VPS41: variants seen among roughly 807,000 people sequenced by gnomAD.
The protein encoded by VPS41 is VPS41 subunit of HOPS complex.
Under a neutral mutation model 130.9 loss-of-function variants are expected in VPS41, and 85 were observed. That is an observed-to-expected ratio of 0.65 (90% CI 0.55 to 0.78). VPS41 has a LOEUF of 0.78. VPS41 is among the 30% of genes least tolerant of loss of function. The pLI is 0.00. For missense variants in VPS41, 874 were observed against 1,018.7 expected (o/e 0.86, Z 1.93); for synonymous variants, 335 against 332.9 (o/e 1.01, Z -0.07).
At chr7:38,870,783 T>A in intron 2 of VPS41, among the ~76,000 whole-genome samples, 6 of 111,062 alleles carry the variant, frequency 5.4e-5, no homozygotes, top group African/African-American at 1.8e-4. Context: ...GACAGAAAGC[T>A]GATGAAAAGA....
At chr7:38,765,483 G>A (rs1057007481) in intron 16 of VPS41, 97 bp downstream of exon 16, 46 of 760,904 alleles carry the variant, frequency 6.0e-5, no homozygotes, top group African/African-American at 3.1e-4. Flanking sequence ...TAATAATCAC[G>A]TCCTAAAAAA....
At chr7:38,732,232 C>T (rs935169673) in intron 25 of VPS41, among the ~76,000 whole-genome samples, 6 of 152,222 alleles carry the variant, frequency 3.9e-5, no homozygotes, top group Non-Finnish European at 4.4e-5. Context: ...CAGTTTAGGG[C>T]TACTAAGGAA....
At chr7:38,879,099 C>T (rs1440615916) in intron 2 of VPS41, among the ~76,000 whole-genome samples, 1 of 152,152 alleles carries the variant, frequency 6.6e-6, no homozygotes, top group African/African-American at 2.4e-5. Context: ...GCCCTGAAGA[C>T]ATGCTAAAAA....
chr7:38,759,580 G>C (rs1326305447), intron 17 of VPS41, among the ~76,000 whole-genome samples: 1 of 152,140 alleles, frequency 6.6e-6, no homozygotes, highest in Non-Finnish European at 1.5e-5. Flanking sequence ...TCTCCATTTA[G>C]CATTCCTGGG....
At chr7:38,738,793 G>A (rs1485766445) in intron 25 of VPS41, among the ~76,000 whole-genome samples, 1 of 152,180 alleles carries the variant, frequency 6.6e-6, no homozygotes, top group Non-Finnish European at 1.5e-5. Flanking sequence ...AATTTGTGCA[G>A]TGATTACACT....
chr7:38,789,720 T>C (rs1230734724), intron 10 of VPS41, 81 bp downstream of exon 10: 6 of 1,394,456 alleles, frequency 4.3e-6, no homozygotes, highest in Admixed American at 1.7e-5. Flanking sequence ...CAAAAGACTA[T>C]GGCAGTCTGG....
At position 38,863,050 on chromosome 7, in the gene VPS41, A is replaced by G. The variant is rs192989567; in HGVS notation, c.169-428T>C. Reference sequence around the variant, plus strand: ...TATCGCTTAAGCTGCACACATACACAAACAACAAATTATTTTTTCGAATGG... The same window carrying G: ...TATCGCTTAAGCTGCACACATACACGAACAACAAATTATTTTTTCGAATGG... On this transcript the variant is annotated intron_variant, in intron 3 of 28. Coordinates refer to ENST00000310301, the MANE Select transcript of VPS41 (RefSeq NM_014396.4). Among the ~76,000 whole-genome samples the G allele has an allele frequency of 3.1e-4, 47 of 152,370 alleles. No individual in the cohort carries two copies. In the East Asian group the frequency reaches 5.8e-3, roughly 19 times the overall value.
rs1784626162 is a variant in VPS41, at chr7:38,796,664, T to C, written c.570+81A>G. On this transcript the variant is annotated intron_variant, in intron 8 of 28. Transcript: ENST00000310301. ...TCACCACCACAGCAAGTGGCATCTT[T>C]TCCCTTCATTACAGCCCTATCAAGT... 6.9e-6 allele frequency: 11 copies of C among 1,601,932 alleles called. 1 individual carries two copies. In the South Asian group the frequency reaches 1.2e-4, roughly 18 times the overall value.
intron 3 of VPS41, among the ~76,000 whole-genome samples, chr7:38,868,875 G>A (rs1786285171): frequency 6.6e-6 from 1 of 152,184 alleles, no homozygotes; most frequent in Admixed American, 6.5e-5. Flanking sequence ...GAGCGACAGA[G>A]TTGCCAAAAC....
chr7:38,837,000 T>G (rs1435139862), intron 4 of VPS41, among the ~76,000 whole-genome samples: 4 of 152,218 alleles, frequency 2.6e-5, no homozygotes, highest in Non-Finnish European at 4.4e-5. Context: ...TTTTGTAAGA[T>G]ACTAAGAAAT....
intron 4 of VPS41, among the ~76,000 whole-genome samples, chr7:38,840,068 C>T (rs933745765): frequency 2.0e-5 from 3 of 152,196 alleles, no homozygotes; most frequent in Non-Finnish European, 4.4e-5. Context: ...GCTAACTGCT[C>T]TCCCTAAGGT....
chr7:38,755,104 G>A (rs1305574401), intron 19 of VPS41, among the ~76,000 whole-genome samples, 168 bp from the exon 20 acceptor site: 1 of 152,178 alleles, frequency 6.6e-6, no homozygotes, highest in African/African-American at 2.4e-5. Flanking sequence ...CATTTGTGAA[G>A]AACTGCATTT....
rs17171463 is a variant in VPS41 at position 38,778,206 on chromosome 7, T to C, written c.785-1430A>G. Among the ~76,000 whole-genome samples the C allele has an allele frequency of 1.6e-3, 240 of 152,370 alleles. 3 individuals are homozygous for C. Among genetic ancestry groups the C allele is most frequent in the African/African-American group, 5.4e-3 (226 of 41,604 alleles). On this transcript the variant is annotated intron_variant, in intron 10 of 28. Coordinates refer to ENST00000310301, the MANE Select transcript of VPS41 (RefSeq NM_014396.4). Reference sequence around the variant, plus strand: ...GTTCTGCCAGGAACACATTTTTTCCTTAATCTCTGTGGGCTTGAACCAAAT... The same window carrying C: ...GTTCTGCCAGGAACACATTTTTTCCCTAATCTCTGTGGGCTTGAACCAAAT...
intron 4 of VPS41, among the ~76,000 whole-genome samples, chr7:38,850,169 C>T (rs1177764160): frequency 6.6e-6 from 1 of 152,256 alleles, no homozygotes; most frequent in Non-Finnish European, 1.5e-5. Context: ...TCCCTATTCC[C>T]TGTCCCAGCA....
chr7:38,786,726 C>T (rs1784445340), intron 10 of VPS41, among the ~76,000 whole-genome samples: 1 of 152,104 alleles, frequency 6.6e-6, no homozygotes, highest in Admixed American at 6.5e-5. Context: ...GAAAACCATA[C>T]ATACCTAGAT....
rs1014402660 is a variant in VPS41 at position 38,723,935 on chromosome 7, T to G, written c.*2311A>C. 6.6e-6 allele frequency: 1 copy of G among 152,022 alleles called. No individual in the cohort carries two copies. The highest frequency in any genetic ancestry group is 1.5e-5 in the Non-Finnish European group (1 of 68,000). 9.4% of individuals were successfully genotyped at this position (152,022 alleles called of 1,614,324 possible). On this transcript the variant is annotated 3_prime_UTR_variant, in exon 29 of 29. Coordinates refer to ENST00000310301, the MANE Select transcript of VPS41 (RefSeq NM_014396.4). ...GATGAAAAGTAAAAAGGATTGAATA[T>G]CCTTTAATAAATCACCCAATACTGT...
intron 3 of VPS41, among the ~76,000 whole-genome samples, chr7:38,863,990 A>G (rs1370748872): frequency 3.9e-5 from 6 of 152,222 alleles, no homozygotes; most frequent in Non-Finnish European, 8.8e-5. Flanking sequence ...TTGTAATTTT[A>G]CCTCTACAGT....
chr7:38,792,493 C>A (rs542734468), intron 9 of VPS41, among the ~76,000 whole-genome samples: 1 of 152,290 alleles, frequency 6.6e-6, no homozygotes, highest in African/African-American at 2.4e-5. Flanking sequence ...ACCCCACATC[C>A]AACTGTCAAC....
intron 7 of VPS41, among the ~76,000 whole-genome samples, chr7:38,815,830 C>T (rs1397443106): frequency 6.6e-6 from 1 of 152,130 alleles, no homozygotes; most frequent in Non-Finnish European, 1.5e-5. Context: ...CAGCTTAGGA[C>T]TCAGACTGGC....
Sources: gnomAD v4.1 joint callset for allele counts (sites outside exome capture counted in the v4.1 genomes callset) on GRCh38, gnomAD v4.1.1 for gene constraint, MANE v1.5 for transcripts, NCBI Gene and HGNC (gene_info 2026-07-23, HGNC 2026-07-21) for gene names.